Variants in LTBP1 observed in about 807,000 individuals in gnomAD.
The protein encoded by LTBP1 is latent-transforming growth factor beta-binding protein 1.
A neutral mutation model predicts 207.6 loss-of-function variants in LTBP1; 129 were observed. The ratio of observed to expected loss-of-function variants is 0.62; its 90% CI spans 0.54 to 0.72. LTBP1 has a LOEUF of 0.72. LTBP1 is among the 30% of genes least tolerant of loss of function. The pLI, the probability that LTBP1 is intolerant of heterozygous loss-of-function variation, is 0.00. For synonymous variants in LTBP1, 963 were observed against 833.7 expected, an observed-to-expected ratio of 1.16 and a Z score of -2.67; for missense variants, 2,281 against 2,217.2, an observed-to-expected ratio of 1.03 and a Z score of -0.58.
chr2:33,338,261 A>G (rs1207930003), intron 24 of LTBP1, among the ~76,000 whole-genome samples: 1 of 152,234 alleles, frequency 6.6e-6, no homozygotes. Flanking sequence ...AGTAAGTCTG[A>G]GACTGCAAGA....
At chr2:33,201,152 A>G (rs1429012741) in intron 7 of LTBP1, among the ~76,000 whole-genome samples, 4 of 152,200 alleles carry the variant, frequency 2.6e-5, no homozygotes, top group Non-Finnish European at 4.4e-5. Context: ...ACTATAAATC[A>G]TGCTGCTATA....
At position 33,149,232 on chromosome 2, in the gene LTBP1, A is replaced by AAAAC. The variant is rs1270226233; in HGVS notation, c.1201+14275_1201+14276insCAAA. On this transcript the variant is annotated intron_variant, in intron 5 of 33. Coordinates refer to ENST00000404816, the MANE Select transcript of LTBP1 (RefSeq NM_206943.4). ...TCCGTCTCACTCACAAAAAAACAAA[A>AAAAC]AAAAAAAAAAAAAAAAAAAAAAAGA... Among the ~76,000 whole-genome samples the AAAAC allele has an allele frequency of 3.8e-4, 51 of 134,744 alleles. No individual in the cohort carries two copies. The East Asian group carries it at 8.2e-3, about 22-fold the overall frequency. 88.4% of individuals were successfully genotyped at this position (134,744 alleles called of 152,430 possible).
intron 3 of LTBP1, among the ~76,000 whole-genome samples, chr2:33,092,208 C>T (rs966324366): frequency 1.3e-5 from 2 of 152,192 alleles, no homozygotes; most frequent in African/African-American, 2.4e-5. Flanking sequence ...CACACACACA[C>T]ACACACAGTT....
intron 33 of LTBP1, 130 bp downstream of exon 33, chr2:33,397,412 CA>C: frequency 1.2e-6 from 1 of 832,888 alleles, no homozygotes; most frequent in Non-Finnish European, 1.9e-6. Context: ...TGGAGATGTA[CA>C]TTAAGTACAG....
intron 3 of LTBP1, among the ~76,000 whole-genome samples, chr2:33,044,247 A>G (rs1012865270): frequency 2.0e-5 from 3 of 151,914 alleles, no homozygotes; most frequent in African/African-American, 7.3e-5. Context: ...TATTTCTCCT[A>G]ATGCTATCCC....
Position 33,300,505 on chromosome 2 carries a change from C to T in LTBP1, c.3290C>T (p.Thr1097Ile), listed in dbSNP as rs753649477. The change falls in exon 21 of 34, where the codon ACC (threonine) becomes ATC (isoleucine). Residue 1097 changes from threonine to isoleucine, a missense_variant. Thr to Ile is a moderately conservative substitution (Grantham distance 89). Around this residue, in one of 3 missense-constraint regions of LTBP1, gnomAD observed 1,671 missense variants for 1,634.8 expected, o/e 1.02. Transcript: ENST00000404816. ...TGTGTAAACGGGCAGTGCAAAAATA[C>T]CGAGGGCTCCTTCAGGTGCACCTGT... ...NLCVNGQCKN[T>I]EGSFRCTCGQ... 1.9e-6 allele frequency: 3 copies of T among 1,613,608 alleles called. No individual in the cohort carries two copies. The Admixed American group carries it at 5.0e-5, about 27-fold the overall frequency.
intron 24 of LTBP1, among the ~76,000 whole-genome samples, chr2:33,332,366 C>A (rs1573880941): frequency 2.4e-5 from 2 of 82,824 alleles, no homozygotes; most frequent in Non-Finnish European, 4.2e-5. Context: ...AGTGAGACAC[C>A]ATCTCCAAAA....
chr2:33,295,540 G>GATA lies in LTBP1; in HGVS notation c.3235+2278_3235+2280dup, dbSNP rs552076117. ...AGACTCAAAATAGAGTCTCAATGAT[G>GATA]ATAATAATAATAATAATAATAAATA... is the stretch of plus-strand genomic sequence containing the variant. On this transcript the variant is annotated intron_variant, in intron 20 of 33. Coordinates refer to ENST00000404816, the MANE Select transcript of LTBP1 (RefSeq NM_206943.4). Among the ~76,000 whole-genome samples, 590 of 151,386 alleles carry GATA rather than the reference G, an allele frequency of 3.9e-3. 2 individuals are homozygous for GATA. Among genetic ancestry groups the GATA allele is most frequent in the East Asian group, 6.2e-3 (32 of 5,154 alleles).
chr2:33,060,513 G>T (rs886920393), intron 3 of LTBP1, among the ~76,000 whole-genome samples: 2 of 151,352 alleles, frequency 1.3e-5, no homozygotes, highest in African/African-American at 4.9e-5. Flanking sequence ...AAATCATCTT[G>T]GGGGGTGTGT....
At chr2:33,059,751 A>G (rs1271295747) in intron 3 of LTBP1, among the ~76,000 whole-genome samples, 2 of 152,222 alleles carry the variant, frequency 1.3e-5, no homozygotes, top group African/African-American at 4.8e-5. Flanking sequence ...TGAAATAGTT[A>G]TAGTAGACTT....
intron 3 of LTBP1, among the ~76,000 whole-genome samples, chr2:33,047,443 C>A (rs959473629): frequency 6.6e-6 from 1 of 152,118 alleles, no homozygotes; most frequent in Non-Finnish European, 1.5e-5. Flanking sequence ...GTTTCTTAAT[C>A]CTGAGTTCTA....
chr2:33,303,847 G>A (rs542724366), intron 22 of LTBP1, among the ~76,000 whole-genome samples: 25 of 152,180 alleles, frequency 1.6e-4, no homozygotes, highest in Non-Finnish European at 2.5e-4. Context: ...GACCCGTACC[G>A]GTCCATGGCC....
chr2:33,031,410 A>G (rs1007938139), intron 3 of LTBP1, among the ~76,000 whole-genome samples: 1 of 152,186 alleles, frequency 6.6e-6, no homozygotes, highest in African/African-American at 2.4e-5. Flanking sequence ...CATTCATTCC[A>G]TCAGCAGATA....
chr2:32,983,381 C>G (rs558268130), intron 2 of LTBP1, among the ~76,000 whole-genome samples: 92 of 152,230 alleles, frequency 6.0e-4, no homozygotes, highest in African/African-American at 2.1e-3. Flanking sequence ...GTAGAAGGGA[C>G]TTGCCTTGTC....
At chr2:33,247,534 CT>C (rs2149842004) in intron 10 of LTBP1, among the ~76,000 whole-genome samples, 1 of 152,312 alleles carries the variant, frequency 6.6e-6, no homozygotes, top group South Asian at 2.1e-4. Flanking sequence ...TTGCCTAATG[CT>C]GCTTTTGTAT....
intron 3 of LTBP1, among the ~76,000 whole-genome samples, chr2:33,027,632 C>T (rs570275030): frequency 1.3e-4 from 20 of 152,096 alleles, no homozygotes; most frequent in Admixed American, 3.3e-4. Context: ...GTCAAGAGAT[C>T]AAGACCATCT....
At chr2:33,123,123 G>A (rs1009181567) in intron 4 of LTBP1, among the ~76,000 whole-genome samples, 2 of 152,236 alleles carry the variant, frequency 1.3e-5, no homozygotes, top group African/African-American at 4.8e-5. Flanking sequence ...CATAGAAAGA[G>A]GAGTGGGTGG....
chr2:33,217,556 G>T lies in LTBP1; in HGVS notation c.1706G>T (p.Gly569Val). The T allele has an allele frequency of 6.2e-7, 1 of 1,612,860 alleles. No homozygotes were observed. The highest frequency in any genetic ancestry group is 8.5e-7 in the Non-Finnish European group (1 of 1,179,024). The part of the protein sequence containing the change: ...CFQETIGSQC[G>V]KALPGLSKQE... ...TTTCACACCTAATCATTGCAGTGTG[G>T]CAAAGCGCTCCCTGGCCTTTCAAAG... Residue 569 changes from glycine to valine, a missense_variant, in exon 8 of 34, where the codon GGC becomes GTC. Around this residue, in one of 3 missense-constraint regions of LTBP1, gnomAD observed 1,671 missense variants for 1,634.8 expected, o/e 1.02. Transcript: ENST00000404816.
intron 9 of LTBP1, among the ~76,000 whole-genome samples, chr2:33,241,083 C>G (rs2092306385): frequency 6.6e-6 from 1 of 152,154 alleles, no homozygotes; most frequent in Non-Finnish European, 1.5e-5. Context: ...AATCTAATCT[C>G]TAATTTGTAG....
Sources: allele counts gnomAD v4.1 joint callset (sites outside exome capture counted in the v4.1 genomes callset), GRCh38; gene constraint gnomAD v4.1.1; regional missense constraint gnomAD v4.1.1; transcripts MANE v1.5; gene names NCBI Gene and HGNC (gene_info 2026-07-23, HGNC 2026-07-21).